Variants in MCF2L observed in about 807,000 individuals in gnomAD.
MCF2L encodes guanine nucleotide exchange factor DBS.
Under a neutral mutation model 153.4 loss-of-function variants are expected in MCF2L, and 97 were observed. That is an observed-to-expected ratio of 0.63 (90% confidence interval 0.54 to 0.75). MCF2L has a LOEUF of 0.75. Ranked by LOEUF, MCF2L falls within the 30% of genes least tolerant of loss-of-function variation. MCF2L has a pLI of 0.00. For synonymous variants in MCF2L, 659 were observed against 632.2 expected, an observed-to-expected ratio of 1.04 and a Z score of -0.64; for missense variants, 1,347 against 1,495.2, an observed-to-expected ratio of 0.90 and a Z score of 1.64.
rs1394335831 is a variant in MCF2L, at chr13:112,983,315, A to C, written c.79+13857A>C. On this transcript the variant is annotated intron_variant, in intron 1 of 29. Transcript: ENST00000535094. The surrounding 1 kb of genome is among the most constrained non-coding windows in gnomAD (Gnocchi z 4.0). ...TAGTTCTGTGTCGTGAGAATAAAAA[A>C]GTTAACATGTCTTTGGCTTCCCATC... 1.3e-5 allele frequency among the ~76,000 whole-genome samples: 2 copies of C among 152,202 alleles called. No individual in the cohort carries two copies. The highest frequency in any genetic ancestry group is 1.3e-4 in the Admixed American group (2 of 15,274).
At chr13:112,922,650 C>T (rs749683045) in intron 2 of MCF2L, among the ~76,000 whole-genome samples, 1 of 152,088 alleles carries the variant, frequency 6.6e-6, no homozygotes, top group African/African-American at 2.4e-5. Flanking sequence ...CTGGGCTAAA[C>T]GGTGAAACCC....
chr13:113,001,975 C>T, intron 1 of MCF2L: 1 of 1,586,636 alleles, frequency 6.3e-7, no homozygotes. Context: ...CTGCTGAAGG[C>T]CGGCGCAGGT....
intron 1 of MCF2L, among the ~76,000 whole-genome samples, chr13:112,899,487 C>A (rs1176302480): frequency 6.6e-6 from 1 of 152,212 alleles, no homozygotes; most frequent in Non-Finnish European, 1.5e-5. Flanking sequence ...TGTTTTCTTG[C>A]CCTCAGGAAA....
At chr13:112,984,945 AC>A (rs967409655) in intron 1 of MCF2L, among the ~76,000 whole-genome samples, 1 of 151,778 alleles carries the variant, frequency 6.6e-6, no homozygotes, top group African/African-American at 2.4e-5. Context: ...GCAAGCAGTC[AC>A]CCCCGACAGG....
chr13:112,962,782 G>C (rs190655003), intron 2 of MCF2L, among the ~76,000 whole-genome samples: 6 of 152,268 alleles, frequency 3.9e-5, no homozygotes, highest in African/African-American at 1.4e-4. Flanking sequence ...CGTGTGCACC[G>C]GCTCTGCCCC....
chr13:112,902,190 T>C lies in MCF2L; in HGVS notation c.-4-9T>C, dbSNP rs749579976. On this transcript the variant is annotated splice_polypyrimidine_tract_variant and intron_variant, in intron 1 of 29. Coordinates refer to the MCF2L transcript ENST00000375608. ...ACCTCATCGTGCTTTTAAAATCTTTTTTCTGCAGCCTCATGTTTGACTGTT... is the reference window on the plus strand; with the variant it reads ...ACCTCATCGTGCTTTTAAAATCTTTCTTCTGCAGCCTCATGTTTGACTGTT... The C allele has an allele frequency of 9.3e-6, 15 of 1,610,580 alleles. No homozygotes were observed. The Admixed American group carries it at 2.3e-4, about 25-fold the overall frequency.
At chr13:112,984,164 G>A (rs1317175106) in intron 1 of MCF2L, among the ~76,000 whole-genome samples, 1 of 152,142 alleles carries the variant, frequency 6.6e-6, no homozygotes, top group East Asian at 1.9e-4. Flanking sequence ...GTGCTGCCCT[G>A]CCCTGGGGTA....
rs562777957 is a variant in MCF2L, at chr13:112,983,286, AAGTT to A, written c.79+13833_79+13836del. On this transcript the variant is annotated intron_variant, in intron 1 of 29. Transcript: ENST00000535094. This position sits in a 1 kb window ranked among gnomAD's most constrained non-coding sequence, Gnocchi z 4.0. ...GGGATTTTTCACCAGAAACTCCTAG[AAGTT>A]AGTTCTGTGTCGTGAGAATAAAAAA... 5.4e-3 allele frequency among the ~76,000 whole-genome samples: 827 copies of A among 152,242 alleles called. 5 individuals are homozygous for A. Among genetic ancestry groups the A allele is most frequent in the Admixed American group, 7.8e-3 (119 of 15,288 alleles).
intron 2 of MCF2L, among the ~76,000 whole-genome samples, chr13:113,015,411 A>G (rs1482740520): frequency 6.6e-6 from 1 of 152,150 alleles, no homozygotes; most frequent in Non-Finnish European, 1.5e-5. Flanking sequence ...AACACCATGC[A>G]CATGCATGCC....
chr13:113,051,222 A>C (rs1043873315), intron 4 of MCF2L, among the ~76,000 whole-genome samples: 1 of 152,090 alleles, frequency 6.6e-6, no homozygotes, highest in African/African-American at 2.4e-5. Flanking sequence ...CCAACCGCCG[A>C]TTACAGGGGA....
In MCF2L at chr13:113,070,169, G is replaced by A. The variant is rs1566839016; in HGVS notation, c.992G>A (p.Arg331Gln). 3.1e-6 allele frequency: 5 copies of A among 1,592,314 alleles called. No homozygotes were observed. The highest frequency in any genetic ancestry group is 4.3e-6 in the Non-Finnish European group (5 of 1,171,598). ...CTCCGGCACTTTGAGCAGGGCTTCC[G>A]GGAGGTGAGTGGCCCTGGGTGGAGC... ...LQLRHFEQGFREVKAILDAAS... is the reference protein window; with the variant it reads ...LQLRHFEQGFQEVKAILDAAS... The change falls in exon 9 of 30, where the codon CGG (arginine) becomes CAG (glutamine). Residue 331 changes from arginine (R) to glutamine (Q), a missense_variant. Coordinates refer to ENST00000535094, the MANE Select transcript of MCF2L (RefSeq NM_001112732.3). The surrounding 1 kb of genome is among the most constrained non-coding windows in gnomAD (Gnocchi z 5.6).
chr13:112,922,922 T>C (rs924861889), intron 2 of MCF2L, among the ~76,000 whole-genome samples: 1 of 152,234 alleles, frequency 6.6e-6, no homozygotes, highest in Admixed American at 6.5e-5. Flanking sequence ...CATTAATGCA[T>C]AGAGAGAAAT....
At chr13:112,918,395 A>C (rs888529288) in intron 2 of MCF2L, among the ~76,000 whole-genome samples, 1 of 152,204 alleles carries the variant, frequency 6.6e-6, no homozygotes, top group African/African-American at 2.4e-5. Flanking sequence ...AGAGAGCAGG[A>C]GTAACTGACG....
chr13:112,965,990 C>A (rs1340131342), upstream of MCF2L: 1 of 152,222 alleles, frequency 6.6e-6, no homozygotes, highest in Non-Finnish European at 1.5e-5. Context: ...AGGTCTGCAT[C>A]TTTGTGCCTC....
At chr13:112,985,591 A>C (rs948197074) in intron 1 of MCF2L, 11 of 405,184 alleles carry the variant, frequency 2.7e-5, no homozygotes, top group African/African-American at 1.8e-4. Context: ...CCCGTGCTCC[A>C]CAGGGCAGTC....
intron 8 of MCF2L, among the ~76,000 whole-genome samples, chr13:113,067,007 G>C (rs150350733): frequency 1.3e-5 from 2 of 152,244 alleles, no homozygotes; most frequent in Non-Finnish European, 1.5e-5. Context: ...GGGGCTCCTC[G>C]TAGATGGGGT....
At chr13:113,003,439 A>T (rs576254236) in intron 1 of MCF2L, among the ~76,000 whole-genome samples, 1 of 148,958 alleles carries the variant, frequency 6.7e-6, no homozygotes, top group East Asian at 2.0e-4. Context: ...GAGTAGGGGC[A>T]GGTGGCCCCC....
intron 1 of MCF2L, among the ~76,000 whole-genome samples, chr13:112,989,620 C>T (rs1322165979): frequency 1.1e-4 from 4 of 36,078 alleles, no homozygotes; most frequent in Non-Finnish European, 2.0e-4. Flanking sequence ...CATGGAGCTA[C>T]CACGCCCGAG....
chr13:113,004,812 T>G (rs2083580626), intron 1 of MCF2L, among the ~76,000 whole-genome samples: 1 of 152,266 alleles, frequency 6.6e-6, no homozygotes, highest in African/African-American at 2.4e-5. Flanking sequence ...AGATGCTGCC[T>G]GGGCTTCACG....
Sources: gnomAD v4.1 joint callset for allele counts (sites outside exome capture counted in the v4.1 genomes callset) on GRCh38, gnomAD v4.1.1 for gene constraint, Gnocchi (gnomAD v3.1) non-coding constraint, MANE v1.5 for transcripts, NCBI Gene and HGNC (gene_info 2026-07-23, HGNC 2026-07-21) for gene names.